The following SDK2 variants were observed in gnomAD, a reference collection of about 807,000 sequenced individuals.
The protein encoded by SDK2 is protein sidekick-2.
A neutral mutation model predicts 253.9 loss-of-function variants in SDK2; 105 were observed. That is an observed-to-expected ratio of 0.41 (90% CI 0.35 to 0.49). The LOEUF (loss-of-function observed/expected upper bound fraction) is 0.49. Ranked by LOEUF, SDK2 falls within the 20% of genes least tolerant of loss-of-function variation. The pLI is 0.06. For synonymous variants in SDK2, 1,249 were observed against 1,234.9 expected (o/e 1.01, Z -0.24); for missense variants, 2,608 against 3,003.0 (o/e 0.87, Z 3.07).
chr17:73,588,664 C>T (rs982948444), intron 1 of SDK2, among the ~76,000 whole-genome samples: 2 of 152,152 alleles, frequency 1.3e-5, no homozygotes, highest in Non-Finnish European at 2.9e-5. Context: ...CTATGAAATA[C>T]CCCGCAGTGC....
intron 18 of SDK2, among the ~76,000 whole-genome samples, chr17:73,407,316 G>A (rs2063087114): frequency 6.6e-6 from 1 of 152,138 alleles, no homozygotes; most frequent in African/African-American, 2.4e-5. Flanking sequence ...AGAGACTACT[G>A]GGGCCACGTC....
chr17:73,496,221 A>G lies in SDK2; in HGVS notation c.224+11217T>C, dbSNP rs2063840763. ...GACCAGACACTCTTCTGCACGCTTCATCTTGCATGACATTCCCAGCCACCC... is the reference window on the plus strand; with the variant it reads ...GACCAGACACTCTTCTGCACGCTTCGTCTTGCATGACATTCCCAGCCACCC... On this transcript the variant is annotated intron_variant, in intron 2 of 44. Transcript: ENST00000392650. The surrounding 1 kb of genome is among the most constrained non-coding windows in gnomAD (Gnocchi z 4.7). Among the ~76,000 whole-genome samples, 1 of 152,128 alleles carries G rather than the reference A, an allele frequency of 6.6e-6. No individual in the cohort carries two copies. The highest frequency in any genetic ancestry group is 1.5e-5 in the Non-Finnish European group (1 of 68,030).
At chr17:73,597,327 CT>C (rs1249876522) in intron 1 of SDK2, among the ~76,000 whole-genome samples, 4 of 152,196 alleles carry the variant, frequency 2.6e-5, no homozygotes, top group African/African-American at 9.7e-5. Context: ...CACAAGAAAC[CT>C]GTGACCAAGT....
At chr17:73,614,023 G>A (rs1460609710) in intron 1 of SDK2, among the ~76,000 whole-genome samples, 1 of 152,226 alleles carries the variant, frequency 6.6e-6, no homozygotes, top group Non-Finnish European at 1.5e-5. Flanking sequence ...TTTGGAGTAC[G>A]AGATCTGGAC....
chr17:73,343,066 A>T (rs2062452766), intron 44 of SDK2, among the ~76,000 whole-genome samples: 1 of 152,190 alleles, frequency 6.6e-6, no homozygotes, highest in Non-Finnish European at 1.5e-5. Context: ...ACTCCAAGAC[A>T]GAGGCATGTC....
chr17:73,637,423 G>A (rs1372622603), intron 1 of SDK2, among the ~76,000 whole-genome samples: 1 of 152,178 alleles, frequency 6.6e-6, no homozygotes, highest in African/African-American at 2.4e-5. Context: ...CTGTCGCCCA[G>A]GCTGGAGTGC....
intron 18 of SDK2, among the ~76,000 whole-genome samples, chr17:73,406,246 C>CTTTT (rs56122304): frequency 7.2e-6 from 1 of 139,824 alleles, no homozygotes; most frequent in Non-Finnish European, 1.5e-5. Flanking sequence ...CTACTACACT[C>CTTTT]TTTTTTTTTT....
At position 73,358,204 on chromosome 17, in the gene SDK2, C is replaced by A; in HGVS notation, c.5468G>T (p.Gly1823Val). 6.3e-7 allele frequency: 1 copy of A among 1,599,284 alleles called. No homozygotes were observed. Among genetic ancestry groups the A allele is most frequent in the Non-Finnish European group, 8.5e-7 (1 of 1,175,910 alleles). The change falls in exon 40 of 45, where the codon GGT becomes GTT. Residue 1823 changes from glycine to valine, a missense_variant and splice_region_variant. Transcript: ENST00000392650. ...EANVTTGPGE[G>V]APGPPGVPII... ...GGGCACGCCAGGCGGTCCTGGGGCA[C>A]CTGCAGACAGCACACAGAGGCGAGG...
intron 15 of SDK2, 118 bp from the exon 16 acceptor site, chr17:73,419,424 G>A: frequency 9.0e-7 from 1 of 1,106,248 alleles, no homozygotes; most frequent in Non-Finnish European, 1.3e-6. Context: ...CAACTGCTGT[G>A]TGCATCTGGG....
At chr17:73,525,089 A>G (rs956108376) in intron 1 of SDK2, among the ~76,000 whole-genome samples, 2 of 152,192 alleles carry the variant, frequency 1.3e-5, no homozygotes, top group Non-Finnish European at 2.9e-5. Context: ...TTAGGGCATG[A>G]TGAGGCTCGT....
intron 1 of SDK2, among the ~76,000 whole-genome samples, chr17:73,524,144 T>C (rs2064106407): frequency 6.6e-6 from 1 of 152,168 alleles, no homozygotes; most frequent in Non-Finnish European, 1.5e-5. Flanking sequence ...GGCCCCAGAA[T>C]CATGTCATGA....
chr17:73,642,951 T>TG lies in SDK2; in HGVS notation c.64+1073dup. ...ACAGTCCGGACCCCTAGGGTGGGTC[T>TG]GGCCCCCTCCTGAGCCTGCGAGAGT... On this transcript the variant is annotated intron_variant, in intron 1 of 44. Transcript: ENST00000392650. The surrounding 1 kb of genome is among the most constrained non-coding windows in gnomAD (Gnocchi z 4.7). 6.6e-6 allele frequency: 1 copy of TG among 152,292 alleles called. No homozygotes were observed. Among genetic ancestry groups the TG allele is most frequent in the Non-Finnish European group, 1.5e-5 (1 of 68,072 alleles). 9.4% of individuals were successfully genotyped at this position (152,292 alleles called of 1,614,324 possible).
intron 40 of SDK2, among the ~76,000 whole-genome samples, chr17:73,354,452 G>A (rs2062567964): frequency 6.6e-6 from 1 of 152,228 alleles, no homozygotes; most frequent in African/African-American, 2.4e-5. Context: ...TGGTGGGAAG[G>A]CCAGGAGGGG....
chr17:73,511,337 T>C lies in SDK2; in HGVS notation c.65-3740A>G, dbSNP rs1270930661. 6.6e-6 allele frequency among the ~76,000 whole-genome samples: 1 copy of C among 152,208 alleles called. No homozygotes were observed. ...CTGCATGCACACATGTGCATATGTG[T>C]GAGCACACACACACGCGCGAGCACG... On this transcript the variant is annotated intron_variant, in intron 1 of 44. Coordinates refer to ENST00000392650, the MANE Select transcript of SDK2 (RefSeq NM_001144952.2). This position sits in a 1 kb window ranked among gnomAD's most constrained non-coding sequence, Gnocchi z 4.9.
At chr17:73,547,800 T>G (rs2044989429) in intron 1 of SDK2, among the ~76,000 whole-genome samples, 1 of 152,220 alleles carries the variant, frequency 6.6e-6, no homozygotes, top group South Asian at 2.1e-4. Flanking sequence ...ATGGCTGTGT[T>G]AGTCCATTCT....
intron 3 of SDK2, among the ~76,000 whole-genome samples, chr17:73,466,715 G>C (rs1872084): frequency 0.38 from 40,090 of 105,544 alleles, 8,911 homozygotes; most frequent in East Asian, 0.44. Context: ...TCTGGGGAAC[G>C]CCCCCCCCCC....
At chr17:73,588,387 C>CAAAAAAAAAAAAA (rs1215654213) in intron 1 of SDK2, among the ~76,000 whole-genome samples, 2 of 59,030 alleles carry the variant, frequency 3.4e-5, no homozygotes, top group African/African-American at 1.4e-4. Flanking sequence ...AACTCCATCT[C>CAAAAAAAAAAAAA]AAAAAAAAAA....
chr17:73,441,009 T>A (rs1187397715), intron 5 of SDK2, 86 bp from the exon 6 acceptor site: 15 of 1,025,430 alleles, frequency 1.5e-5, no homozygotes, highest in Non-Finnish European at 1.7e-5. Flanking sequence ...CCCTGGGAGG[T>A]CTTTGTCCTT....
intron 1 of SDK2, among the ~76,000 whole-genome samples, chr17:73,507,866 C>T (rs2063948358): frequency 6.6e-6 from 1 of 152,220 alleles, no homozygotes. Flanking sequence ...GCCCACACTC[C>T]AGCATCTTCT....
Sources: gnomAD v4.1 joint callset for allele counts (sites outside exome capture counted in the v4.1 genomes callset) on GRCh38, gnomAD v4.1.1 for gene constraint, Gnocchi (gnomAD v3.1) non-coding constraint, MANE v1.5 for transcripts, NCBI Gene and HGNC (gene_info 2026-07-23, HGNC 2026-07-21) for gene names.